LHFPL3: variants seen among roughly 807,000 people sequenced by gnomAD.
LHFPL3 encodes LHFPL tetraspan subfamily member 3 protein.
A neutral mutation model predicts 19.3 loss-of-function variants in LHFPL3; 5 were observed. The observed-to-expected ratio is 0.26, with a 90% CI of 0.14 to 0.54. The LOEUF (loss-of-function observed/expected upper bound fraction) is 0.54. LHFPL3 is among the 20% of genes least tolerant of loss of function. The probability of loss-of-function intolerance (pLI) is 0.94; values close to 1 mark genes in which losing one functional copy is unlikely to be tolerated. For synonymous variants in LHFPL3, 133 were observed against 126.2 expected, an observed-to-expected ratio of 1.05 and a Z score of -0.36; for missense variants, 249 against 307.4, an observed-to-expected ratio of 0.81 and a Z score of 1.42.
At chr7:104,641,066 T>G (rs1174144220) in intron 1 of LHFPL3, among the ~76,000 whole-genome samples, 1 of 152,238 alleles carries the variant, frequency 6.6e-6, no homozygotes, top group African/African-American at 2.4e-5. Context: ...GGAGCAAGAA[T>G]CAGGCAGGCT....
chr7:104,396,798 A>G (rs932058370), intron 1 of LHFPL3, among the ~76,000 whole-genome samples: 1 of 150,688 alleles, frequency 6.6e-6, no homozygotes, highest in Non-Finnish European at 1.5e-5. Flanking sequence ...CTCTACCAAA[A>G]ACACACACAC....
intron 2 of LHFPL3, among the ~76,000 whole-genome samples, chr7:104,814,919 A>G (rs1790536479): frequency 6.6e-6 from 1 of 152,200 alleles, no homozygotes; most frequent in Non-Finnish European, 1.5e-5. Context: ...CTGCAAGGGC[A>G]GGGGTGCCTT....
chr7:104,501,109 T>A (rs948735712), intron 1 of LHFPL3, among the ~76,000 whole-genome samples: 1 of 150,454 alleles, frequency 6.6e-6, no homozygotes, highest in Non-Finnish European at 1.5e-5. Flanking sequence ...CAAAAAAAAA[T>A]GCTCAATAAA....
intron 1 of LHFPL3, among the ~76,000 whole-genome samples, chr7:104,354,683 T>C (rs2116396293): frequency 6.6e-6 from 1 of 152,324 alleles, no homozygotes; most frequent in East Asian, 1.9e-4. Flanking sequence ...ACTGCTACCC[T>C]ATTGTCCAGT....
intron 1 of LHFPL3, among the ~76,000 whole-genome samples, chr7:104,382,608 T>C (rs920264992): frequency 2.6e-5 from 4 of 152,212 alleles, no homozygotes; most frequent in Admixed American, 2.0e-4. Flanking sequence ...GGGTTTTGAA[T>C]GTGTGCTGCC....
At chr7:104,488,508 AG>A (rs1182802315) in intron 1 of LHFPL3, among the ~76,000 whole-genome samples, 4 of 152,132 alleles carry the variant, frequency 2.6e-5, no homozygotes, top group Non-Finnish European at 5.9e-5. Context: ...TTTTCACTTT[AG>A]AAGTATGATT....
At chr7:104,849,294 A>G (rs1321231117) in intron 2 of LHFPL3, among the ~76,000 whole-genome samples, 1 of 152,204 alleles carries the variant, frequency 6.6e-6, no homozygotes, top group Non-Finnish European at 1.5e-5. Context: ...TAGAAGCTCT[A>G]GATTTGGCCA....
intron 1 of LHFPL3, among the ~76,000 whole-genome samples, chr7:104,465,411 G>A (rs886103791): frequency 2.0e-5 from 3 of 152,174 alleles, no homozygotes; most frequent in African/African-American, 2.4e-5. Context: ...TTTTACAGCA[G>A]CACCCCACTC....
chr7:104,480,908 T>C (rs911848422), intron 1 of LHFPL3, among the ~76,000 whole-genome samples: 2 of 152,144 alleles, frequency 1.3e-5, no homozygotes, highest in African/African-American at 2.4e-5. Flanking sequence ...TAGCGAACAG[T>C]GAGACTTACC....
At chr7:104,448,413 T>A (rs1482511529) in intron 1 of LHFPL3, among the ~76,000 whole-genome samples, 1 of 152,186 alleles carries the variant, frequency 6.6e-6, no homozygotes, top group Non-Finnish European at 1.5e-5. Context: ...TTACCCAGTT[T>A]TGGTAAACAC....
chr7:104,907,935 C>G lies in LHFPL3; in HGVS notation c.*1720C>G, dbSNP rs905929979. On this transcript the variant is annotated 3_prime_UTR_variant, in exon 3 of 3. Coordinates refer to ENST00000424859, the MANE Select transcript of LHFPL3 (RefSeq NM_199000.3). Reference sequence around the variant, plus strand: ...CAGAGATGTGGCTTTTCTAAAGAACCAAATTAAGGGAATACTTAGTATCTA... The same window carrying G: ...CAGAGATGTGGCTTTTCTAAAGAACGAAATTAAGGGAATACTTAGTATCTA... 6.6e-5 allele frequency among the ~76,000 whole-genome samples: 10 copies of G among 152,122 alleles called. No individual in the cohort carries two copies. Among genetic ancestry groups the G allele is most frequent in the Admixed American group, 5.9e-4 (9 of 15,270 alleles).
chr7:104,855,650 G>T (rs1791491276), intron 2 of LHFPL3, among the ~76,000 whole-genome samples: 1 of 148,892 alleles, frequency 6.7e-6, no homozygotes, highest in African/African-American at 2.5e-5. Context: ...TTTAGTCGGA[G>T]CCTCGCTCTG....
intron 2 of LHFPL3, among the ~76,000 whole-genome samples, chr7:104,902,708 C>T (rs1422182114): frequency 1.3e-5 from 2 of 152,132 alleles, no homozygotes; most frequent in Non-Finnish European, 2.9e-5. Flanking sequence ...ATCGCTTGAA[C>T]CAGGGAGGCG....
rs373676833 is a variant in LHFPL3, at chr7:104,704,769, G to C, written c.446-31906G>C. Among the ~76,000 whole-genome samples, 5 of 152,056 alleles carry C rather than the reference G, an allele frequency of 3.3e-5. No individual in the cohort carries two copies. In the South Asian group the frequency reaches 1.0e-3, roughly 32 times the overall value. On this transcript the variant is annotated intron_variant, in intron 1 of 2. Transcript: ENST00000424859. ...TCCTGCCTCAGCCTCCCATGTAGCT[G>C]GGACCACAAGCATGCACCACCATGC...
chr7:104,641,827 T>C (rs1369323776), intron 1 of LHFPL3, among the ~76,000 whole-genome samples: 2 of 152,072 alleles, frequency 1.3e-5, no homozygotes, highest in African/African-American at 4.8e-5. Context: ...TATTTATAGG[T>C]ATAGAAAAAA....
At chr7:104,570,601 C>T (rs1361054845) in intron 1 of LHFPL3, among the ~76,000 whole-genome samples, 4 of 152,166 alleles carry the variant, frequency 2.6e-5, no homozygotes, top group Admixed American at 6.5e-5. Context: ...TTTCCAGTAC[C>T]TGTCGCTGTT....
chr7:104,342,532 C>T (rs73193617), intron 1 of LHFPL3, among the ~76,000 whole-genome samples: 9,572 of 152,104 alleles, frequency 0.063, 352 homozygotes, highest in Middle Eastern at 0.13. Flanking sequence ...GGAATGAGTT[C>T]CTTTTATACC....
At position 104,391,015 on chromosome 7, in the gene LHFPL3, A is replaced by G. The variant is rs555239950; in HGVS notation, c.445+61791A>G. 4.6e-4 allele frequency among the ~76,000 whole-genome samples: 70 copies of G among 152,196 alleles called. 1 individual carries two copies. The highest frequency in any genetic ancestry group is 3.4e-3 in the Middle Eastern group (1 of 294). On this transcript the variant is annotated intron_variant, in intron 1 of 2. Transcript: ENST00000424859. Reference sequence around the variant, plus strand: ...AAGGATCTGTTCATATCCTTCGCCTACTTTTTGATGGGGTTGTTTGTTTTT... The same window carrying G: ...AAGGATCTGTTCATATCCTTCGCCTGCTTTTTGATGGGGTTGTTTGTTTTT...
chr7:104,388,583 C>T (rs868083384), intron 1 of LHFPL3, among the ~76,000 whole-genome samples: 3 of 152,154 alleles, frequency 2.0e-5, no homozygotes, highest in Middle Eastern at 3.4e-3. Flanking sequence ...CAGACAAAGA[C>T]GTAACAAGAA....
Sources: gnomAD v4.1 joint callset for allele counts (sites outside exome capture counted in the v4.1 genomes callset) on GRCh38, gnomAD v4.1.1 for gene constraint, MANE v1.5 for transcripts, NCBI Gene and HGNC (gene_info 2026-07-23, HGNC 2026-07-21) for gene names.